Variants in SNTG2 observed in about 807,000 individuals in gnomAD.
The protein encoded by SNTG2 is gamma-2-syntrophin.
In SNTG2, 74 loss-of-function variants were observed where a neutral mutation model predicts 70.9. That is an observed-to-expected ratio of 1.04 (90% CI 0.86 to 1.27). The LOEUF is 1.27. Among genes scored for constraint, SNTG2 ranks in the 50% most tolerant of loss-of-function variants. SNTG2 has a pLI of 0.00. For synonymous variants in SNTG2, 278 were observed against 273.8 expected (o/e 1.02, Z -0.15); for missense variants, 717 against 690.7 (o/e 1.04, Z -0.43).
At chr2:1,119,212 C>T (rs1667227821) in intron 4 of SNTG2, among the ~76,000 whole-genome samples, 1 of 151,796 alleles carries the variant, frequency 6.6e-6, no homozygotes, top group Admixed American at 6.6e-5. Flanking sequence ...GTAAGTCTTT[C>T]CTAGATAAAA....
At chr2:974,146 G>C (rs1282463172) in intron 1 of SNTG2, among the ~76,000 whole-genome samples, 3 of 152,188 alleles carry the variant, frequency 2.0e-5, no homozygotes, top group Non-Finnish European at 4.4e-5. Flanking sequence ...GTTACCGAGA[G>C]TGTTGAGTTG....
intron 12 of SNTG2, among the ~76,000 whole-genome samples, chr2:1,256,056 T>C (rs1678101231): frequency 4.6e-5 from 7 of 151,064 alleles, no homozygotes; most frequent in Admixed American, 4.0e-4. Flanking sequence ...TGTGCAAACA[T>C]CATAGGGTGT....
At chr2:1,272,136 CTAT>C (rs1367672936) in intron 14 of SNTG2, among the ~76,000 whole-genome samples, 2 of 151,958 alleles carry the variant, frequency 1.3e-5, no homozygotes, top group African/African-American at 4.8e-5. Context: ...CACTTTATTT[CTAT>C]TATTATTACA....
chr2:1,063,675 T>C (rs1443416275), intron 1 of SNTG2, among the ~76,000 whole-genome samples: 3 of 152,196 alleles, frequency 2.0e-5, no homozygotes, highest in African/African-American at 4.8e-5. Context: ...AATTATGTCA[T>C]TGGGCTTAAC....
chr2:1,273,820 TA>T (rs1158203862), intron 14 of SNTG2, among the ~76,000 whole-genome samples: 1 of 151,946 alleles, frequency 6.6e-6, no homozygotes, highest in Non-Finnish European at 1.5e-5. Flanking sequence ...GACTTGCAAT[TA>T]AAAGCAACTA....
intron 16 of SNTG2, among the ~76,000 whole-genome samples, chr2:1,340,795 T>TAA (rs1660044334): frequency 6.6e-6 from 1 of 152,258 alleles, no homozygotes; most frequent in Non-Finnish European, 1.5e-5. Context: ...TTGTTATTAA[T>TAA]AATTCATTGA....
intron 4 of SNTG2, among the ~76,000 whole-genome samples, chr2:1,100,542 G>T (rs1210948300): frequency 6.6e-6 from 1 of 152,194 alleles, no homozygotes; most frequent in Non-Finnish European, 1.5e-5. Context: ...TATAATGGCG[G>T]TGTTGACGAG....
At position 1,097,200 on chromosome 2, in the gene SNTG2, A is replaced by G. The variant is rs1291470344; in HGVS notation, c.211-996A>G. 6.6e-6 allele frequency among the ~76,000 whole-genome samples: 1 copy of G among 152,174 alleles called. No homozygotes were observed. Among genetic ancestry groups the G allele is most frequent in the Non-Finnish European group, 1.5e-5 (1 of 68,046 alleles). On this transcript the variant is annotated intron_variant, in intron 2 of 16. Coordinates refer to ENST00000308624, the MANE Select transcript of SNTG2 (RefSeq NM_018968.4). The surrounding 1 kb of genome is among the most constrained non-coding windows in gnomAD (Gnocchi z 4.1). ...CCCCTAAGAAGGACATTCCTGGGGTATCTCAGGCTGCGGAAGCCCTCACAG... is the reference window on the plus strand; with the variant it reads ...CCCCTAAGAAGGACATTCCTGGGGTGTCTCAGGCTGCGGAAGCCCTCACAG...
At chr2:1,276,518 C>T (rs1355050439) in intron 14 of SNTG2, among the ~76,000 whole-genome samples, 2 of 152,166 alleles carry the variant, frequency 1.3e-5, no homozygotes, top group African/African-American at 4.8e-5. Context: ...ATATTTTAAG[C>T]CCACTGTTGA....
intron 16 of SNTG2, among the ~76,000 whole-genome samples, chr2:1,337,581 A>G (rs964706540): frequency 9.9e-5 from 15 of 152,114 alleles, no homozygotes; most frequent in African/African-American, 3.6e-4. Context: ...TAAATATTCT[A>G]GATATTAGCT....
chr2:1,262,694 CGTCCAGACGAGGCAACCGGAAGG>C (rs1678489828), intron 13 of SNTG2: 4 of 131,252 alleles, frequency 3.0e-5, no homozygotes, highest in Admixed American at 7.3e-5. Flanking sequence ...CGGAAGGCTC[CGTCCAGACGAGGCAACCGGAAGG>C]CTCCGTCCAG....
chr2:1,316,762 G>T (rs1305872019), intron 16 of SNTG2, among the ~76,000 whole-genome samples: 1 of 126,668 alleles, frequency 7.9e-6, no homozygotes, highest in Non-Finnish European at 1.7e-5. Context: ...ATTGGAGAAG[G>T]TTGGGATTCT....
chr2:1,214,878 C>G (rs1467880798), intron 9 of SNTG2, among the ~76,000 whole-genome samples: 1 of 152,126 alleles, frequency 6.6e-6, no homozygotes, highest in African/African-American at 2.4e-5. Flanking sequence ...GCTTGTCACA[C>G]GTGTTCTTTA....
chr2:1,051,855 T>C (rs1226532267), intron 1 of SNTG2, among the ~76,000 whole-genome samples: 3 of 152,224 alleles, frequency 2.0e-5, no homozygotes, highest in Non-Finnish European at 2.9e-5. Flanking sequence ...TCAGCTGGGC[T>C]CTCACAGAAT....
At chr2:1,364,296 C>G (rs1661356939) in intron 16 of SNTG2, among the ~76,000 whole-genome samples, 2 of 151,042 alleles carry the variant, frequency 1.3e-5, no homozygotes, top group Non-Finnish European at 2.9e-5. Flanking sequence ...CTAGTACTTT[C>G]AAAGATTATG....
chr2:1,130,280 A>T (rs956378501), intron 4 of SNTG2, among the ~76,000 whole-genome samples: 4 of 152,118 alleles, frequency 2.6e-5, no homozygotes, highest in African/African-American at 9.7e-5. Context: ...TTTTTGCATA[A>T]TTTTTTCTAG....
At position 1,098,396 on chromosome 2, in the gene SNTG2, T is replaced by G. The variant is rs2148212086; in HGVS notation, c.311T>G (p.Phe104Cys). ...GTCCCTGTCGTCATATCAAAAATAT[T>G]CGAAGACCAAGCAGGTAAAAACAGC... ...HNVPVVISKI[F>C]EDQAADQTGM... The change falls in exon 4 of 17, where the codon TTC (phenylalanine) becomes TGC (cysteine). Residue 104 changes from phenylalanine (F) to cysteine (C), a missense_variant. Transcript: ENST00000308624. The G allele has an allele frequency of 6.2e-7, 1 of 1,614,042 alleles. No individual in the cohort carries two copies. Among genetic ancestry groups the G allele is most frequent in the African/African-American group, 1.3e-5 (1 of 75,070 alleles).
chr2:1,157,224 G>C (rs1368295282), intron 6 of SNTG2, among the ~76,000 whole-genome samples: 2 of 152,164 alleles, frequency 1.3e-5, no homozygotes, highest in Non-Finnish European at 2.9e-5. Context: ...TGATCCACTG[G>C]ATGTGTCACT....
At chr2:1,152,452 G>T (rs1456751629) in intron 6 of SNTG2, among the ~76,000 whole-genome samples, 1 of 152,170 alleles carries the variant, frequency 6.6e-6, no homozygotes. Context: ...GCACATCCAG[G>T]GGCATGTGCA....
Sources: allele counts gnomAD v4.1 joint callset (sites outside exome capture counted in the v4.1 genomes callset), GRCh38; gene constraint gnomAD v4.1.1; non-coding constraint Gnocchi (gnomAD v3.1); transcripts MANE v1.5; gene names NCBI Gene and HGNC (gene_info 2026-07-23, HGNC 2026-07-21).